Variants in EYS observed in about 807,000 individuals in gnomAD.
The protein encoded by EYS is EGF-like photoreceptor maintenance factor, also known as protein eyes shut homolog.
Under a neutral mutation model 282.1 loss-of-function variants are expected in EYS, and 250 were observed. The ratio of observed to expected loss-of-function variants is 0.89; its 90% CI spans 0.80 to 0.98. The LOEUF (loss-of-function observed/expected upper bound fraction) is 0.98, where lower values mean the gene tolerates loss of function less well. Ranked by LOEUF, EYS falls within the 50% of genes least tolerant of loss-of-function variation. EYS has a pLI of 0.00. For synonymous variants in EYS, 1,355 were observed against 1,282.9 expected (o/e 1.06, Z -1.20); for missense variants, 4,016 against 3,709.0 (o/e 1.08, Z -2.15).
intron 33 of EYS, among the ~76,000 whole-genome samples, chr6:64,041,891 T>C (rs905343860): frequency 1.2e-4 from 18 of 152,224 alleles, no homozygotes; most frequent in African/African-American, 2.4e-5. Flanking sequence ...ATATGATCTT[T>C]TTTTAAATGT....
At chr6:65,310,015 C>T (rs7741956) in intron 11 of EYS, among the ~76,000 whole-genome samples, 44,404 of 151,984 alleles carry the variant, frequency 0.29, 6,854 homozygotes, top group Non-Finnish European at 0.33. Context: ...CTATCTTGCT[C>T]CAACCCCTTC....
chr6:65,658,187 T>C (rs1245719532), intron 1 of EYS, among the ~76,000 whole-genome samples: 1 of 151,668 alleles, frequency 6.6e-6, no homozygotes, highest in African/African-American at 2.4e-5. Flanking sequence ...GGTATGCCTG[T>C]ATTATCAAAA....
At chr6:64,453,171 A>G (rs1433430523) in intron 26 of EYS, among the ~76,000 whole-genome samples, 2 of 151,862 alleles carry the variant, frequency 1.3e-5, no homozygotes, top group East Asian at 1.9e-4. Context: ...AAAAAAACAA[A>G]CAACCCCATC....
chr6:65,386,948 T>G (rs1765824869), intron 7 of EYS, among the ~76,000 whole-genome samples: 1 of 151,062 alleles, frequency 6.6e-6, no homozygotes, highest in Non-Finnish European at 1.5e-5. Flanking sequence ...AAATGGGAAA[T>G]GATACATAGG....
intron 22 of EYS, among the ~76,000 whole-genome samples, chr6:64,663,740 G>A (rs549285338): frequency 6.6e-6 from 1 of 152,234 alleles, no homozygotes; most frequent in African/African-American, 2.4e-5. Flanking sequence ...CATACTGTTA[G>A]CAGCGGGTCT....
At chr6:65,188,141 A>G (rs1466337766) in intron 12 of EYS, among the ~76,000 whole-genome samples, 2 of 151,688 alleles carry the variant, frequency 1.3e-5, no homozygotes, top group Non-Finnish European at 2.9e-5. Flanking sequence ...CAATCTTATT[A>G]GAAACACAAT....
chr6:65,183,021 G>A (rs1337874397), intron 12 of EYS, among the ~76,000 whole-genome samples: 2 of 151,786 alleles, frequency 1.3e-5, no homozygotes, highest in African/African-American at 4.8e-5. Flanking sequence ...AAACTCCTGA[G>A]CTCAAGCAAT....
chr6:64,979,997 T>C (rs190666899), intron 14 of EYS, among the ~76,000 whole-genome samples: 17 of 151,702 alleles, frequency 1.1e-4, no homozygotes, highest in Admixed American at 9.9e-4. Context: ...CCAAACTCTT[T>C]GTTCCAGGTG....
intron 1 of EYS, among the ~76,000 whole-genome samples, chr6:65,672,974 G>A (rs1298721573): frequency 3.3e-5 from 5 of 151,990 alleles, no homozygotes; most frequent in Non-Finnish European, 7.4e-5. Flanking sequence ...GTCACAAGGT[G>A]CTCAGTGGGG....
intron 12 of EYS, among the ~76,000 whole-genome samples, chr6:65,185,052 A>G (rs1345778400): frequency 6.6e-6 from 1 of 151,508 alleles, no homozygotes; most frequent in African/African-American, 2.4e-5. Flanking sequence ...AAAAAACTAT[A>G]TGTGTGATTG....
intron 26 of EYS, among the ~76,000 whole-genome samples, chr6:64,456,963 G>C (rs1775577205): frequency 6.6e-6 from 1 of 151,918 alleles, no homozygotes; most frequent in Non-Finnish European, 1.5e-5. Context: ...TGAAAAGTGT[G>C]TAAAGCCAAT....
chr6:65,573,849 T>C (rs1333897871), intron 2 of EYS, among the ~76,000 whole-genome samples: 1 of 152,152 alleles, frequency 6.6e-6, no homozygotes, highest in East Asian at 1.9e-4. Context: ...TTCATGAGTA[T>C]ACTGTTTCAT....
chr6:65,111,249 C>G (rs6913985), intron 12 of EYS, among the ~76,000 whole-genome samples: 34,574 of 151,578 alleles, frequency 0.23, 4,474 homozygotes, highest in African/African-American at 0.34. Flanking sequence ...AACAGAATAA[C>G]CTGCTTTTTA....
At chr6:64,064,121 C>A (rs922604303) in intron 33 of EYS, among the ~76,000 whole-genome samples, 2 of 152,142 alleles carry the variant, frequency 1.3e-5, no homozygotes, top group Non-Finnish European at 2.9e-5. Flanking sequence ...CTTTTTTAAG[C>A]CTTCCTGCAT....
At chr6:63,918,141 C>G (rs747070809) in intron 35 of EYS, among the ~76,000 whole-genome samples, 1 of 152,134 alleles carries the variant, frequency 6.6e-6, no homozygotes, top group Non-Finnish European at 1.5e-5. Flanking sequence ...TAAAAGATTG[C>G]ATAAATAATA....
At chr6:65,666,537 G>A (rs998545575) in intron 1 of EYS, among the ~76,000 whole-genome samples, 9 of 151,658 alleles carry the variant, frequency 5.9e-5, no homozygotes, top group African/African-American at 1.4e-4. Flanking sequence ...TATACCTGTC[G>A]GGTAGTAAAT....
chr6:64,258,371 C>T (rs1258366724), intron 30 of EYS, among the ~76,000 whole-genome samples: 1 of 151,926 alleles, frequency 6.6e-6, no homozygotes, highest in East Asian at 1.9e-4. Flanking sequence ...ATGAGAATGG[C>T]ACTAAAATAA....
At chr6:65,055,435 T>C (rs1773383423) in intron 13 of EYS, among the ~76,000 whole-genome samples, 1 of 152,096 alleles carries the variant, frequency 6.6e-6, no homozygotes, top group South Asian at 2.1e-4. Flanking sequence ...TGTATTAATA[T>C]CCTATGCTAC....
chr6:64,601,629 T>C (rs1221301022), intron 24 of EYS, among the ~76,000 whole-genome samples: 1 of 152,096 alleles, frequency 6.6e-6, no homozygotes, highest in Non-Finnish European at 1.5e-5. Flanking sequence ...GCTGGTTTCT[T>C]CACTCCCACT....
Sources: gnomAD v4.1 joint callset for allele counts (sites outside exome capture counted in the v4.1 genomes callset) on GRCh38, gnomAD v4.1.1 for gene constraint, MANE v1.5 for transcripts, NCBI Gene and HGNC (gene_info 2026-07-23, HGNC 2026-07-21) for gene names.